PRELID2: variants seen among roughly 807,000 people sequenced by gnomAD.
PRELID2 encodes PRELI domain-containing protein 2.
In PRELID2, 25 loss-of-function variants were observed where a neutral mutation model predicts 28.4. The observed-to-expected ratio is 0.88, with a 90% CI of 0.64 to 1.23. The LOEUF (loss-of-function observed/expected upper bound fraction) is 1.23, where lower values mean the gene tolerates loss of function less well. Ranked by LOEUF, PRELID2 falls within the 50% of genes most tolerant of loss-of-function variation. The pLI is 0.00. For missense variants in PRELID2, 201 were observed against 214.4 expected, an observed-to-expected ratio of 0.94 and a Z score of 0.39; for synonymous variants, 76 against 71.6, an observed-to-expected ratio of 1.06 and a Z score of -0.31.
At chr5:145,513,349 T>C (rs951014306) in intron 1 of PRELID2, among the ~76,000 whole-genome samples, 3 of 151,532 alleles carry the variant, frequency 2.0e-5, no homozygotes, top group Non-Finnish European at 4.4e-5. Context: ...CATACACAAG[T>C]ATCAATAGCC....
intron 1 of PRELID2, among the ~76,000 whole-genome samples, chr5:145,607,743 A>G (rs1753525241): frequency 6.6e-6 from 1 of 152,098 alleles, no homozygotes; most frequent in African/African-American, 2.4e-5. Flanking sequence ...AGAATTATGT[A>G]TATGTCTGTT....
At chr5:145,680,039 T>A (rs1022026458) in intron 1 of PRELID2, among the ~76,000 whole-genome samples, 2 of 152,048 alleles carry the variant, frequency 1.3e-5, no homozygotes, top group Non-Finnish European at 2.9e-5. Context: ...AAAGGGGACA[T>A]GGATTATAAA....
the PRELID2 span, among the ~76,000 whole-genome samples, chr5:145,412,194 A>C: frequency 6.6e-6 from 1 of 152,010 alleles, no homozygotes; most frequent in African/African-American, 2.4e-5. Flanking sequence ...AGCCGTCTTG[A>C]ATTTCTCCCC....
chr5:145,695,652 G>A (rs1443527880), intron 1 of PRELID2, among the ~76,000 whole-genome samples: 1 of 152,024 alleles, frequency 6.6e-6, no homozygotes, highest in Non-Finnish European at 1.5e-5. Context: ...ACGGGGTCTT[G>A]GGCATCTGCT....
chr5:145,735,099 G>T (rs1413751302), intron 1 of PRELID2, among the ~76,000 whole-genome samples: 2 of 151,376 alleles, frequency 1.3e-5, no homozygotes, highest in Non-Finnish European at 2.9e-5. Flanking sequence ...ACAAAAATTA[G>T]CCAGGCATGG....
rs981112770 is a variant in PRELID2 at position 145,615,648 on chromosome 5, ATAGT to A, written n.71-142337_71-142334del. Among the ~76,000 whole-genome samples, 8 of 152,154 alleles carry A rather than the reference ATAGT, an allele frequency of 5.3e-5. No homozygotes were observed. The South Asian group carries it at 1.2e-3, about 24-fold the overall frequency. ...GCCGTGAGTCTCTTATAGGTGGTAG[ATAGT>A]TGGTTGGTGAATTCTTATCCATTCT... is the stretch of plus-strand genomic sequence containing the variant. On this transcript the variant is annotated intron_variant and non_coding_transcript_variant, in intron 1 of 2. Transcript: ENST00000510259.
At chr5:145,776,179 C>T (rs1344522573) in intron 5 of PRELID2, among the ~76,000 whole-genome samples, 1 of 152,122 alleles carries the variant, frequency 6.6e-6, no homozygotes, top group Non-Finnish European at 1.5e-5. Flanking sequence ...GTTTTTAGTG[C>T]ATGACATTCT....
chr5:145,496,862 G>GTTTT (rs1313673794), intron 1 of PRELID2, among the ~76,000 whole-genome samples: 1 of 151,798 alleles, frequency 6.6e-6, no homozygotes, highest in Non-Finnish European at 1.5e-5. Context: ...CAATAATTTG[G>GTTTT]TTTTGTTCGT....
intron 1 of PRELID2, among the ~76,000 whole-genome samples, chr5:145,653,504 G>A (rs1205469902): frequency 6.6e-6 from 1 of 152,164 alleles, no homozygotes; most frequent in African/African-American, 2.4e-5. Flanking sequence ...TGGAAGTAAA[G>A]CACTCCTCAG....
intron 1 of PRELID2, among the ~76,000 whole-genome samples, chr5:145,655,604 C>T (rs1754379239): frequency 6.6e-6 from 1 of 152,190 alleles, no homozygotes; most frequent in South Asian, 2.1e-4. Context: ...CACACATCTA[C>T]AACCATCTGA....
chr5:145,706,116 T>C (rs2149706519), intron 1 of PRELID2, among the ~76,000 whole-genome samples: 1 of 152,208 alleles, frequency 6.6e-6, no homozygotes, highest in African/African-American at 2.4e-5. Context: ...AAAAAAAAGG[T>C]TAAGTCATAA....
At chr5:145,529,229 A>G (rs1752635472) in intron 1 of PRELID2, among the ~76,000 whole-genome samples, 1 of 152,232 alleles carries the variant, frequency 6.6e-6, no homozygotes, top group Admixed American at 6.5e-5. Flanking sequence ...ATAATTGCAG[A>G]CTTAATTACC....
chr5:145,448,136 G>T, the PRELID2 span, among the ~76,000 whole-genome samples: 2 of 151,824 alleles, frequency 1.3e-5, no homozygotes, highest in Admixed American at 1.3e-4. Context: ...AGCACCTGTT[G>T]TTTCCTGACT....
intron 1 of PRELID2, among the ~76,000 whole-genome samples, chr5:145,607,580 A>AT (rs1340096851): frequency 6.6e-6 from 1 of 151,972 alleles, no homozygotes; most frequent in African/African-American, 2.4e-5. Flanking sequence ...ATCGATTTCT[A>AT]TTTTTATTGC....
intron 5 of PRELID2, chr5:145,795,568 G>A (rs990115280): frequency 2.0e-5 from 3 of 152,126 alleles, no homozygotes; most frequent in Admixed American, 2.0e-4. Context: ...CATAACAATG[G>A]TTCTTTACAC....
the PRELID2 span, among the ~76,000 whole-genome samples, chr5:145,373,881 T>C: frequency 2.4e-4 from 13 of 54,644 alleles, 2 homozygotes; most frequent in Non-Finnish European, 4.7e-4. Flanking sequence ...ATATAATATA[T>C]ATGATATTAT....
intron 1 of PRELID2, among the ~76,000 whole-genome samples, chr5:145,832,473 C>T (rs1755656615): frequency 6.6e-6 from 1 of 152,182 alleles, no homozygotes; most frequent in African/African-American, 2.4e-5. Context: ...GAGTGAGCTG[C>T]CGTGCCCAGC....
chr5:145,620,773 G>C (rs1192690931), intron 1 of PRELID2, among the ~76,000 whole-genome samples: 1 of 151,588 alleles, frequency 6.6e-6, no homozygotes, highest in Non-Finnish European at 1.5e-5. Context: ...CAGAAGTCGA[G>C]GCTACAGTGA....
the PRELID2 span, among the ~76,000 whole-genome samples, chr5:145,298,612 C>G: frequency 2.0e-5 from 3 of 152,032 alleles, no homozygotes; most frequent in Non-Finnish European, 4.4e-5. Context: ...TGTCTCTTGG[C>G]CCTTCCATTT....
Sources: gnomAD v4.1 joint callset for allele counts (sites outside exome capture counted in the v4.1 genomes callset) on GRCh38, gnomAD v4.1.1 for gene constraint, MANE v1.5 for transcripts, NCBI Gene and HGNC (gene_info 2026-07-23, HGNC 2026-07-21) for gene names.